The following RPS6KC1 variants were observed in gnomAD, a reference collection of about 807,000 sequenced individuals.
RPS6KC1 encodes inactive ribosomal protein S6 kinase delta-1.
A neutral mutation model predicts 103.8 loss-of-function variants in RPS6KC1; 54 were observed. The observed-to-expected ratio is 0.52, with a 90% confidence interval of 0.42 to 0.65. RPS6KC1 has a LOEUF of 0.65. Ranked by LOEUF, RPS6KC1 falls within the 30% of genes least tolerant of loss-of-function variation. The pLI is 0.00. For synonymous variants in RPS6KC1, 439 were observed against 438.7 expected (o/e 1.00, Z -0.01); for missense variants, 1,151 against 1,253.8 (o/e 0.92, Z 1.24).
At chr1:213,326,989 T>C in the RPS6KC1 span, among the ~76,000 whole-genome samples, 1 of 152,040 alleles carries the variant, frequency 6.6e-6, no homozygotes, top group Non-Finnish European at 1.5e-5. Flanking sequence ...TCAGATCATA[T>C]CCATTTAGTC....
chr1:213,779,111 G>T, the RPS6KC1 span, among the ~76,000 whole-genome samples: 16 of 152,188 alleles, frequency 1.1e-4, no homozygotes, highest in Non-Finnish European at 2.1e-4. Flanking sequence ...AGAAAAAGTA[G>T]GGATATGATC....
chr1:213,500,093 T>G, the RPS6KC1 span, among the ~76,000 whole-genome samples: 52 of 152,354 alleles, frequency 3.4e-4, no homozygotes, highest in African/African-American at 1.2e-3. Context: ...ACTGTAACTT[T>G]TCAAAACTTT....
At chr1:213,760,372 T>C in the RPS6KC1 span, among the ~76,000 whole-genome samples, 1,865 of 152,300 alleles carry the variant, frequency 0.012, 53 homozygotes, top group African/African-American at 0.043. Flanking sequence ...TAGGGAACAT[T>C]TGCATATATG....
the RPS6KC1 span, among the ~76,000 whole-genome samples, chr1:213,524,944 T>C: frequency 6.6e-6 from 1 of 152,240 alleles, no homozygotes; most frequent in African/African-American, 2.4e-5. Context: ...TTGGGTAAGT[T>C]ACTTAACGAC....
chr1:213,203,338 G>A (rs1205445411), intron 8 of RPS6KC1, among the ~76,000 whole-genome samples: 1 of 152,118 alleles, frequency 6.6e-6, no homozygotes, highest in Non-Finnish European at 1.5e-5. Context: ...TCAGATTTGG[G>A]ATGCTCAACC....
the RPS6KC1 span, among the ~76,000 whole-genome samples, chr1:213,768,831 A>T: frequency 1.3e-5 from 2 of 152,308 alleles, no homozygotes; most frequent in Non-Finnish European, 2.9e-5. Context: ...TAAAACTTTA[A>T]AAAGGAGAGA....
the RPS6KC1 span, among the ~76,000 whole-genome samples, chr1:213,776,681 A>G: frequency 1.3e-5 from 2 of 152,224 alleles, no homozygotes; most frequent in African/African-American, 4.8e-5. Context: ...CACCAGCTCC[A>G]TTAGCTCCTA....
At chr1:213,427,118 T>C in the RPS6KC1 span, among the ~76,000 whole-genome samples, 18 of 152,232 alleles carry the variant, frequency 1.2e-4, no homozygotes, top group African/African-American at 4.1e-4. Flanking sequence ...ATCACTGCCA[T>C]CTTATAGTGC....
the RPS6KC1 span, chr1:213,832,378 C>T: frequency 6.6e-6 from 1 of 152,200 alleles, no homozygotes; most frequent in Non-Finnish European, 1.5e-5. Flanking sequence ...TGTCTTTCCT[C>T]TTTATCCCCC....
chr1:213,308,328 A>AAG, the RPS6KC1 span, among the ~76,000 whole-genome samples: 1 of 151,456 alleles, frequency 6.6e-6, no homozygotes. Flanking sequence ...AAAAAAAAAA[A>AAG]AAAAAAGAGA....
the RPS6KC1 span, among the ~76,000 whole-genome samples, chr1:213,733,974 C>T: frequency 2.0e-5 from 3 of 152,072 alleles, no homozygotes; most frequent in Non-Finnish European, 4.4e-5. Flanking sequence ...TGTTTGAGGC[C>T]TTAAAATAGC....
At chr1:213,529,812 A>G in the RPS6KC1 span, among the ~76,000 whole-genome samples, 1 of 152,144 alleles carries the variant, frequency 6.6e-6, no homozygotes, top group Non-Finnish European at 1.5e-5. Flanking sequence ...GTAGGAATAT[A>G]CTAAATGTTT....
the RPS6KC1 span, among the ~76,000 whole-genome samples, chr1:213,428,103 A>C: frequency 1.3e-5 from 2 of 152,144 alleles, no homozygotes; most frequent in South Asian, 4.1e-4. Flanking sequence ...TTCCTCTCTC[A>C]GGGAGGAACT....
chr1:213,087,122 A>G lies in RPS6KC1; in HGVS notation c.262+9306A>G, dbSNP rs185901888. On this transcript the variant is annotated intron_variant, in intron 3 of 14. Coordinates refer to ENST00000366960, the MANE Select transcript of RPS6KC1 (RefSeq NM_012424.6). ...TTTCACTTTACCTTTTTTTTTACAGATGAAATGGACTTATAAGATCACTTG... is the reference window on the plus strand; with the variant it reads ...TTTCACTTTACCTTTTTTTTTACAGGTGAAATGGACTTATAAGATCACTTG... Among the ~76,000 whole-genome samples the G allele has an allele frequency of 2.6e-5, 4 of 152,126 alleles. 1 individual carries two copies. The highest frequency in any genetic ancestry group is 2.0e-4 in the Admixed American group (3 of 15,286).
At chr1:213,670,525 A>G in the RPS6KC1 span, among the ~76,000 whole-genome samples, 1 of 152,250 alleles carries the variant, frequency 6.6e-6, no homozygotes, top group Non-Finnish European at 1.5e-5. Context: ...TCACTCCTCC[A>G]GAATCAAAGG....
the RPS6KC1 span, among the ~76,000 whole-genome samples, chr1:213,381,071 G>A: frequency 6.6e-6 from 1 of 152,206 alleles, no homozygotes; most frequent in Non-Finnish European, 1.5e-5. Context: ...AACGATTGGC[G>A]CTCGGAACAG....
At chr1:213,151,212 C>CG (rs1350043213) in intron 6 of RPS6KC1, among the ~76,000 whole-genome samples, 1 of 124,192 alleles carries the variant, frequency 8.1e-6, no homozygotes, top group Admixed American at 7.7e-5. Context: ...GCTGGCCAGG[C>CG]GGGGGGCTGA....
chr1:213,238,924 C>A (rs530398196), intron 10 of RPS6KC1, among the ~76,000 whole-genome samples: 2 of 152,220 alleles, frequency 1.3e-5, no homozygotes, highest in African/African-American at 4.8e-5. Flanking sequence ...ATACAAGAAT[C>A]TTAGTTTTAG....
At chr1:213,615,713 G>T in the RPS6KC1 span, among the ~76,000 whole-genome samples, 1 of 152,254 alleles carries the variant, frequency 6.6e-6, no homozygotes, top group African/African-American at 2.4e-5. Context: ...GCAGGAGGTG[G>T]CTGGAACTTT....
Sources: gnomAD v4.1 joint callset for allele counts (sites outside exome capture counted in the v4.1 genomes callset) on GRCh38, gnomAD v4.1.1 for gene constraint, MANE v1.5 for transcripts, NCBI Gene and HGNC (gene_info 2026-07-23, HGNC 2026-07-21) for gene names.